DACH2: variants seen among roughly 807,000 people sequenced by gnomAD.
The protein encoded by DACH2 is dachshund homolog 2.
DACH2 carries 17 observed loss-of-function variants against 35.8 expected under a neutral mutation model. The observed-to-expected ratio is 0.48, with a 90% CI of 0.33 to 0.71. The LOEUF (loss-of-function observed/expected upper bound fraction) is 0.71, where lower values mean the gene tolerates loss of function less well. Ranked by LOEUF, DACH2 falls within the 30% of genes least tolerant of loss-of-function variation. DACH2 has a pLI of 0.02. For synonymous variants in DACH2, 195 were observed against 177.3 expected (o/e 1.10, Z -0.79); for missense variants, 469 against 472.7 (o/e 0.99, Z 0.07).
chrX:86,338,525 C>A (rs1268231495), intron 1 of DACH2, among the ~76,000 whole-genome samples: 2 of 111,751 alleles, frequency 1.8e-5, no homozygotes, highest in Admixed American at 9.6e-5. Flanking sequence ...CCAATGAGAA[C>A]AAAGACACAA....
At chrX:86,825,290 G>A (rs192742532) in intron 11 of DACH2, among the ~76,000 whole-genome samples, 78 of 110,621 alleles carry the variant, frequency 7.1e-4, no homozygotes, top group African/African-American at 2.4e-3. Context: ...GATGGCACAC[G>A]CCTGTAGTCC....
chrX:86,494,993 G>T (rs932675642), intron 2 of DACH2, among the ~76,000 whole-genome samples: 1 of 111,716 alleles, frequency 9.0e-6, no homozygotes, highest in Admixed American at 9.5e-5. Flanking sequence ...AAATATCATT[G>T]CAAAATATAA....
At chrX:86,543,388 G>A (rs1335796153) in intron 3 of DACH2, among the ~76,000 whole-genome samples, 1 of 111,595 alleles carries the variant, frequency 9.0e-6, no homozygotes, top group East Asian at 2.9e-4. Context: ...AAAAGAAACA[G>A]CACAAGAACT....
intron 3 of DACH2, among the ~76,000 whole-genome samples, chrX:86,582,003 T>A (rs1199396082): frequency 8.9e-6 from 1 of 111,821 alleles, no homozygotes; most frequent in African/African-American, 3.2e-5. Flanking sequence ...ACAGAAATTA[T>A]GCCATCCACA....
At chrX:86,282,780 T>A (rs866252652) in intron 1 of DACH2, among the ~76,000 whole-genome samples, 8 of 16,177 alleles carry the variant, frequency 4.9e-4, no homozygotes, top group East Asian at 2.4e-3. Flanking sequence ...ACTTCTTTTT[T>A]TTTTTTTTTT....
At chrX:86,206,716 G>A (rs754140341) in intron 1 of DACH2, among the ~76,000 whole-genome samples, 2 of 111,421 alleles carry the variant, frequency 1.8e-5, no homozygotes, top group Non-Finnish European at 3.8e-5. Flanking sequence ...TAGCCTGTTT[G>A]CTTCGTTGGG....
At chrX:86,498,261 T>C (rs940377652) in intron 2 of DACH2, among the ~76,000 whole-genome samples, 5 of 111,559 alleles carry the variant, frequency 4.5e-5, no homozygotes, top group African/African-American at 1.6e-4. Flanking sequence ...GTATTAAAAA[T>C]AGGAATAAAA....
intron 1 of DACH2, among the ~76,000 whole-genome samples, chrX:86,259,658 G>A (rs868128164): frequency 6.3e-4 from 71 of 111,855 alleles, no homozygotes; most frequent in African/African-American, 1.6e-3. Context: ...AAATTAACCC[G>A]CTAGCATAGT....
At chrX:86,539,382 A>G (rs1025810205) in intron 3 of DACH2, among the ~76,000 whole-genome samples, 1 of 111,749 alleles carries the variant, frequency 8.9e-6, no homozygotes, top group African/African-American at 3.3e-5. Context: ...CTCATGTAGT[A>G]TCTTTATAGC....
chrX:86,375,693 C>T (rs1400262060), intron 1 of DACH2, among the ~76,000 whole-genome samples: 3 of 107,912 alleles, frequency 2.8e-5, no homozygotes, highest in Non-Finnish European at 5.8e-5. Flanking sequence ...TGAAAAAAGG[C>T]TCACCTTCAC....
chrX:86,454,932 T>A (rs2037448009), intron 2 of DACH2, among the ~76,000 whole-genome samples: 1 of 111,541 alleles, frequency 9.0e-6, no homozygotes, highest in Admixed American at 9.5e-5. Flanking sequence ...AATCTTTTAG[T>A]TTTCTGAACT....
Position 86,284,459 on chromosome X carries a change from C to T in DACH2, c.489-92365C>T, listed in dbSNP as rs535466213. ...AATCCACTTGGTCATGATAAATGAT[C>T]TTTTACGTTTATTGTTGAATTTTGT... is the stretch of plus-strand genomic sequence containing the variant. On this transcript the variant is annotated intron_variant, in intron 1 of 11. Transcript: ENST00000373125. Among the ~76,000 whole-genome samples the T allele has an allele frequency of 4.5e-5, 5 of 111,319 alleles. No individual in the cohort carries two copies. In the South Asian group the frequency reaches 1.9e-3, roughly 42 times the overall value.
intron 1 of DACH2, 57 bp from the exon 2 acceptor site, chrX:86,376,767 C>T: frequency 1.0e-5 from 11 of 1,103,335 alleles, no homozygotes; most frequent in Non-Finnish European, 1.3e-5. Context: ...GCTAACTAAC[C>T]AGAACTCTCA....
intron 4 of DACH2, among the ~76,000 whole-genome samples, chrX:86,673,005 C>T (rs2040782764): frequency 8.9e-6 from 1 of 112,062 alleles, no homozygotes; most frequent in African/African-American, 3.2e-5. Flanking sequence ...CGCCCCCTTG[C>T]ATAAGTGTGG....
At chrX:86,315,638 T>C (rs1343862175) in intron 1 of DACH2, among the ~76,000 whole-genome samples, 1 of 111,210 alleles carries the variant, frequency 9.0e-6, no homozygotes, top group African/African-American at 3.3e-5. Context: ...AATAGGAGTT[T>C]GTAAAAAGTT....
chrX:86,763,485 G>A (rs1451280338), intron 7 of DACH2, among the ~76,000 whole-genome samples: 1 of 111,825 alleles, frequency 8.9e-6, no homozygotes, highest in African/African-American at 3.2e-5. Context: ...ACGGAGTCTC[G>A]CTCTGTCTCC....
chrX:86,197,403 C>T (rs1252019593), intron 1 of DACH2, among the ~76,000 whole-genome samples: 2 of 111,662 alleles, frequency 1.8e-5, no homozygotes, highest in African/African-American at 6.5e-5. Context: ...CAAATCCACA[C>T]ATATGAATAC....
At chrX:86,432,304 C>A (rs2036996910) in intron 2 of DACH2, among the ~76,000 whole-genome samples, 1 of 112,054 alleles carries the variant, frequency 8.9e-6, no homozygotes, top group Non-Finnish European at 1.9e-5. Flanking sequence ...TTTGCATTTT[C>A]CCATGATATT....
rs58589696 is a variant in DACH2, at chrX:86,270,731, T to C, written c.489-106093T>C. Reference sequence around the variant, plus strand: ...TAATTGCTCTTGCCAAATACATTGTTATATTTGGATAATGGAAAGACAGGG... The same window carrying C: ...TAATTGCTCTTGCCAAATACATTGTCATATTTGGATAATGGAAAGACAGGG... On this transcript the variant is annotated intron_variant, in intron 1 of 11. Coordinates refer to ENST00000373125, the MANE Select transcript of DACH2 (RefSeq NM_053281.3). Among the ~76,000 whole-genome samples the C allele has an allele frequency of 5.3e-3, 597 of 111,772 alleles. 2 individuals carry two copies. The highest frequency in any genetic ancestry group is 0.019 in the African/African-American group (583 of 30,864).
Sources: gnomAD v4.1 joint callset for allele counts (sites outside exome capture counted in the v4.1 genomes callset) on GRCh38, gnomAD v4.1.1 for gene constraint, MANE v1.5 for transcripts, NCBI Gene and HGNC (gene_info 2026-07-23, HGNC 2026-07-21) for gene names.